Variants in AGBL4 observed in about 807,000 individuals in gnomAD.
AGBL4 encodes cytosolic carboxypeptidase 6.
AGBL4 carries 58 observed loss-of-function variants against 66.4 expected under a neutral mutation model. The observed-to-expected ratio is 0.87, with a 90% CI of 0.71 to 1.09. AGBL4 has a LOEUF of 1.09. Ranked by LOEUF, AGBL4 falls within the 50% of genes least tolerant of loss-of-function variation. The probability of loss-of-function intolerance (pLI) is 0.00; values close to 1 mark genes in which losing one functional copy is unlikely to be tolerated. For missense variants in AGBL4, 579 were observed against 631.0 expected, an observed-to-expected ratio of 0.92 and a Z score of 0.88; for synonymous variants, 234 against 222.9, an observed-to-expected ratio of 1.05 and a Z score of -0.44.
At chr1:48,921,697 T>C (rs974248565) in intron 5 of AGBL4, among the ~76,000 whole-genome samples, 1 of 152,206 alleles carries the variant, frequency 6.6e-6, no homozygotes, top group Non-Finnish European at 1.5e-5. Context: ...CCTTAATCTC[T>C]ATTTTATAGA....
At chr1:48,742,125 A>G (rs748963871) in intron 6 of AGBL4, among the ~76,000 whole-genome samples, 4 of 152,234 alleles carry the variant, frequency 2.6e-5, no homozygotes, top group Non-Finnish European at 5.9e-5. Context: ...GCTTGGGGAT[A>G]AGGGAGTATG....
chr1:49,815,358 T>G lies in AGBL4; in HGVS notation c.157+36038A>C, dbSNP rs371823917. On this transcript the variant is annotated intron_variant, in intron 2 of 13. Coordinates refer to ENST00000371839, the MANE Select transcript of AGBL4 (RefSeq NM_032785.4). Reference sequence around the variant, plus strand: ...TGCAAATGACAGGATCTCATTCTTTTTATGGGTGAATAGTACTCCATCATG... The same window carrying G: ...TGCAAATGACAGGATCTCATTCTTTGTATGGGTGAATAGTACTCCATCATG... Among the ~76,000 whole-genome samples, 239 of 152,322 alleles carry G rather than the reference T, an allele frequency of 1.6e-3. 1 individual carries two copies. The highest frequency in any genetic ancestry group is 4.9e-3 in the African/African-American group (204 of 41,584).
chr1:49,357,878 T>C (rs968128065), intron 3 of AGBL4, among the ~76,000 whole-genome samples: 1 of 152,166 alleles, frequency 6.6e-6, no homozygotes, highest in Non-Finnish European at 1.5e-5. Context: ...CTCAAGTGTG[T>C]TATATCTTAC....
chr1:49,041,898 T>C (rs1643951593), intron 5 of AGBL4, among the ~76,000 whole-genome samples: 1 of 152,134 alleles, frequency 6.6e-6, no homozygotes, highest in Non-Finnish European at 1.5e-5. Flanking sequence ...CTCTGGCTTT[T>C]CTTGCTTTCT....
chr1:49,113,281 G>A (rs563184825), intron 4 of AGBL4, among the ~76,000 whole-genome samples: 1 of 151,228 alleles, frequency 6.6e-6, no homozygotes, highest in African/African-American at 2.4e-5. Flanking sequence ...GTTTTGCTCT[G>A]TCACCCAGGC....
chr1:49,296,009 G>A (rs896824368), intron 3 of AGBL4, among the ~76,000 whole-genome samples: 1 of 152,160 alleles, frequency 6.6e-6, no homozygotes, highest in African/African-American at 2.4e-5. Context: ...GCAACTACAA[G>A]TTGCTGAAAT....
intron 3 of AGBL4, among the ~76,000 whole-genome samples, chr1:49,475,257 T>C (rs1212189157): frequency 1.3e-5 from 2 of 152,076 alleles, no homozygotes; most frequent in Admixed American, 6.6e-5. Flanking sequence ...TTGCATATGT[T>C]GAACCATCCT....
intron 3 of AGBL4, among the ~76,000 whole-genome samples, chr1:49,276,781 A>G (rs1038689352): frequency 6.6e-6 from 1 of 152,096 alleles, no homozygotes; most frequent in Admixed American, 6.5e-5. Flanking sequence ...CTGAGCCCCC[A>G]TTCTTCCTAA....
At chr1:49,564,309 A>G (rs1361289713) in intron 3 of AGBL4, among the ~76,000 whole-genome samples, 1 of 151,710 alleles carries the variant, frequency 6.6e-6, no homozygotes, top group Non-Finnish European at 1.5e-5. Flanking sequence ...TATTTCCTTC[A>G]GTTCTGCTCT....
intron 2 of AGBL4, among the ~76,000 whole-genome samples, chr1:49,730,798 G>A (rs1358095501): frequency 1.3e-5 from 2 of 152,314 alleles, no homozygotes. Context: ...CCAGGCAGAG[G>A]CATCATCCAC....
chr1:48,787,894 CCCA>C (rs1489166315), intron 6 of AGBL4, among the ~76,000 whole-genome samples: 1 of 152,226 alleles, frequency 6.6e-6, no homozygotes, highest in Non-Finnish European at 1.5e-5. Flanking sequence ...GACCCTACCT[CCCA>C]CCCTGCTAAC....
intron 1 of AGBL4, among the ~76,000 whole-genome samples, chr1:49,940,928 C>A (rs1379184850): frequency 2.2e-4 from 34 of 151,676 alleles, no homozygotes; most frequent in Admixed American, 2.2e-3. Context: ...AAACTTTTAG[C>A]TTAAGTGAGA....
At chr1:49,501,562 T>C (rs997162922) in intron 3 of AGBL4, among the ~76,000 whole-genome samples, 1 of 152,050 alleles carries the variant, frequency 6.6e-6, no homozygotes, top group Admixed American at 6.6e-5. Flanking sequence ...TACCTGAAGA[T>C]TTGTCCATTT....
At chr1:48,823,919 T>A (rs1646369324) in intron 6 of AGBL4, among the ~76,000 whole-genome samples, 1 of 152,176 alleles carries the variant, frequency 6.6e-6, no homozygotes, top group Non-Finnish European at 1.5e-5. Flanking sequence ...AATATCTGCT[T>A]ATCAGAATCG....
At chr1:48,940,839 TAGAA>T (rs1655907523) in intron 5 of AGBL4, among the ~76,000 whole-genome samples, 1 of 152,192 alleles carries the variant, frequency 6.6e-6, no homozygotes, top group African/African-American at 2.4e-5. Flanking sequence ...CTTTCTATCT[TAGAA>T]AGCAAGAAGG....
chr1:49,631,865 T>G (rs1645576227), intron 3 of AGBL4, among the ~76,000 whole-genome samples: 1 of 152,124 alleles, frequency 6.6e-6, no homozygotes, highest in South Asian at 2.1e-4. Context: ...ATCAGAAAAG[T>G]CCTTGCAAGC....
chr1:48,888,064 G>C (rs1489665615), intron 5 of AGBL4, among the ~76,000 whole-genome samples: 1 of 152,108 alleles, frequency 6.6e-6, no homozygotes, highest in Non-Finnish European at 1.5e-5. Flanking sequence ...TGAGGGCTGT[G>C]AGGATGACAC....
intron 6 of AGBL4, among the ~76,000 whole-genome samples, chr1:48,716,613 T>G (rs1647054930): frequency 6.6e-6 from 1 of 152,206 alleles, no homozygotes; most frequent in Non-Finnish European, 1.5e-5. Flanking sequence ...GGAACAGGCT[T>G]CTTCTCGACA....
intron 4 of AGBL4, among the ~76,000 whole-genome samples, chr1:49,141,924 C>T (rs1208986687): frequency 6.6e-6 from 1 of 152,076 alleles, no homozygotes; most frequent in Non-Finnish European, 1.5e-5. Context: ...AAAGGGTTCC[C>T]CAACCTCTGG....
Sources: allele counts gnomAD v4.1 joint callset (sites outside exome capture counted in the v4.1 genomes callset), GRCh38; gene constraint gnomAD v4.1.1; transcripts MANE v1.5; gene names NCBI Gene and HGNC (gene_info 2026-07-23, HGNC 2026-07-21).